Variants in IQSEC1 observed in about 807,000 individuals in gnomAD.
IQSEC1 encodes the protein IQ motif and SEC7 domain-containing protein 1.
IQSEC1 carries 31 observed loss-of-function variants against 91.0 expected under a neutral mutation model. The observed-to-expected ratio is 0.34, with a 90% CI of 0.26 to 0.46. The LOEUF (loss-of-function observed/expected upper bound fraction) is 0.46, where lower values mean the gene tolerates loss of function less well. IQSEC1 is among the 20% of genes least tolerant of loss of function. The pLI, the probability that IQSEC1 is intolerant of heterozygous loss-of-function variation, is 1.00. For synonymous variants in IQSEC1, 699 were observed against 662.6 expected (o/e 1.05, Z -0.84); for missense variants, 1,388 against 1,575.6 (o/e 0.88, Z 2.02).
chr3:13,128,652 T>C (rs567835610), intron 2 of IQSEC1, among the ~76,000 whole-genome samples: 346 of 152,000 alleles, frequency 2.3e-3, no homozygotes, highest in African/African-American at 7.8e-3. Context: ...GATCACGAGG[T>C]CAGGAGATCG....
At chr3:13,185,391 G>C (rs193135491) in intron 1 of IQSEC1, among the ~76,000 whole-genome samples, 1 of 152,100 alleles carries the variant, frequency 6.6e-6, no homozygotes, top group Non-Finnish European at 1.5e-5. Flanking sequence ...AATGCTCTCC[G>C]AAGCTGTCTT....
chr3:12,973,482 C>G (rs1291484845), intron 1 of IQSEC1, among the ~76,000 whole-genome samples: 1 of 152,180 alleles, frequency 6.6e-6, no homozygotes, highest in Non-Finnish European at 1.5e-5. Context: ...CATTGCGCTC[C>G]ATGCACCTTC....
intron 1 of IQSEC1, among the ~76,000 whole-genome samples, chr3:12,945,992 C>T (rs1409580577): frequency 6.6e-6 from 1 of 152,210 alleles, no homozygotes; most frequent in East Asian, 1.9e-4. Flanking sequence ...GCCCCACCTT[C>T]CTGATTAGGA....
chr3:13,035,221 G>T (rs1204269129), intron 1 of IQSEC1, among the ~76,000 whole-genome samples: 1 of 152,188 alleles, frequency 6.6e-6, no homozygotes, highest in Admixed American at 6.5e-5. Context: ...GCTTCCTGCT[G>T]GTCCCCTGAC....
chr3:12,941,709 C>A lies in IQSEC1; in HGVS notation c.180G>T (p.Gly60=). Residue 60 remains glycine, a synonymous_variant, in exon 2 of 14, where the codon GGG becomes GGT. Transcript: ENST00000613206. Reference sequence around the variant, plus strand: ...TGGGCCTCCGCGTGCGCTGCTGTTGCCCCGGCGGCCCCGAGTACAGCCCAT... The same window carrying A: ...TGGGCCTCCGCGTGCGCTGCTGTTGACCCGGCGGCCCCGAGTACAGCCCAT... The part of the protein sequence containing the change: ...GAYGLYSGPP[G]QQQRTRRPKL... 6.2e-7 allele frequency: 1 copy of A among 1,612,532 alleles called. No individual in the cohort carries two copies. The highest frequency in any genetic ancestry group is 2.2e-5 in the East Asian group (1 of 44,872).
intron 1 of IQSEC1, among the ~76,000 whole-genome samples, chr3:12,950,800 G>A (rs1699492656): frequency 6.6e-6 from 1 of 151,878 alleles, no homozygotes; most frequent in Non-Finnish European, 1.5e-5. Context: ...CCACCACCAT[G>A]CCTGGCTAAT....
At chr3:12,959,494 C>T (rs769753850) in intron 1 of IQSEC1, among the ~76,000 whole-genome samples, 11 of 152,186 alleles carry the variant, frequency 7.2e-5, no homozygotes, top group African/African-American at 1.9e-4. Flanking sequence ...GGAGGAGTCA[C>T]GGGCCTAGCC....
intron 12 of IQSEC1, among the ~76,000 whole-genome samples, chr3:12,903,835 G>A (rs71306024): frequency 9.9e-5 from 15 of 152,206 alleles, no homozygotes; most frequent in Non-Finnish European, 1.9e-4. Context: ...ACCATGTATT[G>A]AGCGCTGCGC....
intron 2 of IQSEC1, among the ~76,000 whole-genome samples, chr3:13,093,855 T>C (rs191778004): frequency 3.7e-4 from 57 of 152,334 alleles, no homozygotes; most frequent in African/African-American, 1.3e-3. Context: ...GGTCCAGGGA[T>C]GTGCACGTGA....
intron 2 of IQSEC1, among the ~76,000 whole-genome samples, chr3:13,134,746 G>C (rs1348753682): frequency 6.6e-6 from 1 of 152,154 alleles, no homozygotes; most frequent in African/African-American, 2.4e-5. Flanking sequence ...CCAGCAGCAG[G>C]GCGTTCTCAG....
At chr3:13,038,299 A>T (rs1019022460) in intron 1 of IQSEC1, among the ~76,000 whole-genome samples, 11 of 83,504 alleles carry the variant, frequency 1.3e-4, no homozygotes, top group African/African-American at 2.8e-4. Context: ...TATATATATA[A>T]AATGAAGTAC....
intron 1 of IQSEC1, among the ~76,000 whole-genome samples, chr3:13,038,297 T>TATATAA (rs1184139616): frequency 2.3e-5 from 3 of 131,986 alleles, no homozygotes; most frequent in Non-Finnish European, 4.9e-5. Flanking sequence ...TATATATATA[T>TATATAA]AAAATGAAGT....
chr3:12,962,071 G>C (rs922800088), intron 1 of IQSEC1, among the ~76,000 whole-genome samples: 1 of 152,236 alleles, frequency 6.6e-6, no homozygotes, highest in African/African-American at 2.4e-5. Flanking sequence ...CCCAGGGAGG[G>C]ATGGGATGAG....
intron 1 of IQSEC1, among the ~76,000 whole-genome samples, chr3:13,229,514 G>T (rs1694808842): frequency 1.3e-5 from 2 of 152,224 alleles, no homozygotes; most frequent in Admixed American, 6.5e-5. Context: ...GTCACAGGCT[G>T]CCCGGGACTG....
chr3:12,967,749 G>A lies in IQSEC1; in HGVS notation c.24-25884C>T, dbSNP rs1006488560. 13 of 1,033,794 alleles carry A rather than the reference G, an allele frequency of 1.3e-5. No individual in the cohort carries two copies. The highest frequency in any genetic ancestry group is 1.5e-5 in the Non-Finnish European group (13 of 858,710). The allele number at this position is 1,033,794 out of a possible 1,614,324, so 64.0% of individuals were successfully genotyped here. A position where few individuals can be genotyped will look rare whatever the true frequency, so the allele number is the denominator to read the frequency against. Reference sequence around the variant, plus strand: ...CTGAAGTGGGCGGGGCAGGGCGGGGGCGGGGCCGGAGGGCGAGCTGGGGGC... The same window carrying A: ...CTGAAGTGGGCGGGGCAGGGCGGGGACGGGGCCGGAGGGCGAGCTGGGGGC... On this transcript the variant is annotated intron_variant, in intron 1 of 13. Coordinates refer to ENST00000613206, the MANE Select transcript of IQSEC1 (RefSeq NM_001134382.3). This position sits in a 1 kb window ranked among gnomAD's most constrained non-coding sequence, Gnocchi z 5.9.
At chr3:12,950,051 C>T (rs540554113) in intron 1 of IQSEC1, among the ~76,000 whole-genome samples, 6 of 152,302 alleles carry the variant, frequency 3.9e-5, no homozygotes, top group African/African-American at 1.4e-4. Flanking sequence ...GTATGCTCAC[C>T]CACTATGCCA....
intron 1 of IQSEC1, among the ~76,000 whole-genome samples, chr3:13,263,900 T>C (rs956699719): frequency 9.2e-5 from 14 of 152,338 alleles, no homozygotes; most frequent in African/African-American, 3.4e-4. Flanking sequence ...CACAGTTCTC[T>C]GAGCTGAAGT....
At chr3:12,929,373 G>A (rs1378294093) in intron 3 of IQSEC1, among the ~76,000 whole-genome samples, 2 of 152,220 alleles carry the variant, frequency 1.3e-5, no homozygotes, top group South Asian at 2.1e-4. Flanking sequence ...GCTGGAAGGG[G>A]CAGAAGGACG....
chr3:13,223,958 C>T (rs1440414477), intron 1 of IQSEC1, among the ~76,000 whole-genome samples: 1 of 152,188 alleles, frequency 6.6e-6, no homozygotes, highest in Non-Finnish European at 1.5e-5. Flanking sequence ...AAAGCAGTGC[C>T]TCGGAGCCAG....
Sources: allele counts gnomAD v4.1 joint callset (sites outside exome capture counted in the v4.1 genomes callset), GRCh38; gene constraint gnomAD v4.1.1; non-coding constraint Gnocchi (gnomAD v3.1); transcripts MANE v1.5; gene names NCBI Gene and HGNC (gene_info 2026-07-23, HGNC 2026-07-21).